The following KDM2A variants were observed in gnomAD, a reference collection of about 807,000 sequenced individuals.
KDM2A encodes lysine demethylase 2A.
KDM2A carries 3 observed loss-of-function variants against 137.3 expected under a neutral mutation model. The observed-to-expected ratio is 0.02, with a 90% CI of 0.01 to 0.06. KDM2A has a LOEUF of 0.06. Ranked by LOEUF, KDM2A falls within the 10% of genes least tolerant of loss-of-function variation. The probability of loss-of-function intolerance (pLI) is 1.00; values close to 1 mark genes in which losing one functional copy is unlikely to be tolerated. For missense variants in KDM2A, 738 were observed against 1,510.6 expected (o/e 0.49, Z 8.48); for synonymous variants, 512 against 541.5 (o/e 0.95, Z 0.76).
At chr11:67,232,518 G>A (rs1011723533) in intron 12 of KDM2A, among the ~76,000 whole-genome samples, 1 of 151,878 alleles carries the variant, frequency 6.6e-6, no homozygotes, top group Non-Finnish European at 1.5e-5. Context: ...TAAGTTCTAG[G>A]GTACATGTGC....
rs1008492639 is a variant in KDM2A, at chr11:67,226,798, C to T, written c.958-1239C>T. ...TATGTAAAATTAAATGAGCACTGGC[C>T]GCGAGCTGCTCTTTTATTTTCTAAA... On this transcript the variant is annotated intron_variant, in intron 10 of 20. Coordinates refer to ENST00000529006, the MANE Select transcript of KDM2A (RefSeq NM_012308.3). Among the ~76,000 whole-genome samples the T allele has an allele frequency of 4.6e-5, 7 of 152,050 alleles. No individual in the cohort carries two copies. The South Asian group carries it at 1.0e-3, about 23-fold the overall frequency.
intron 5 of KDM2A, among the ~76,000 whole-genome samples, chr11:67,188,050 TTTTAA>T (rs1857251383): frequency 1.3e-5 from 2 of 151,878 alleles, no homozygotes; most frequent in East Asian, 3.9e-4. Context: ...ATAATAGTAA[TTTTAA>T]AAGTTGGCTG....
rs535407443 is a variant in KDM2A at position 67,200,820 on chromosome 11, G to A, written c.308-6690G>A. Among the ~76,000 whole-genome samples, 18 of 152,188 alleles carry A rather than the reference G, an allele frequency of 1.2e-4. No individual in the cohort carries two copies. The South Asian group carries it at 3.7e-3, about 32-fold the overall frequency. The stretch of plus-strand genomic sequence containing the variant: ...CCATGCCTTGCCTGAGATTAATACC[G>A]TTTTCATGCCAGATAGCAGTATTCA... On this transcript the variant is annotated intron_variant, in intron 5 of 20. Coordinates refer to ENST00000529006, the MANE Select transcript of KDM2A (RefSeq NM_012308.3).
intron 2 of KDM2A, among the ~76,000 whole-genome samples, chr11:67,148,521 C>T (rs1000647034): frequency 6.6e-6 from 1 of 152,092 alleles, no homozygotes; most frequent in Non-Finnish European, 1.5e-5. Flanking sequence ...AGTAATCCGG[C>T]CGGGCGTGGT....
chr11:67,152,831 A>AT lies in KDM2A; in HGVS notation c.43-27238dup, dbSNP rs568381255. Among the ~76,000 whole-genome samples, 763 of 148,576 alleles carry AT rather than the reference A, an allele frequency of 5.1e-3. 4 individuals are homozygous for AT. The highest frequency in any genetic ancestry group is 8.3e-3 in the Non-Finnish European group (553 of 66,936). The stretch of plus-strand genomic sequence containing the variant: ...AGTTATTTAACTTTTGTAGAATCAG[A>AT]TTTTTTTTTTGCTAGCAAAACAAAA... On this transcript the variant is annotated intron_variant, in intron 2 of 20. Transcript: ENST00000529006.
intron 2 of KDM2A, among the ~76,000 whole-genome samples, chr11:67,169,789 A>C (rs1274810134): frequency 6.3e-5 from 5 of 78,804 alleles, no homozygotes; most frequent in Admixed American, 2.0e-4. Context: ...ACGGAGTCTC[A>C]CTCTGTCACT....
chr11:67,199,961 C>A (rs564957931), intron 5 of KDM2A, among the ~76,000 whole-genome samples: 50 of 152,000 alleles, frequency 3.3e-4, no homozygotes, highest in African/African-American at 1.2e-3. Context: ...TTTAACATTC[C>A]AAAAAAAGCT....
At chr11:67,132,812 C>T (rs1176473836) in intron 2 of KDM2A, among the ~76,000 whole-genome samples, 21 of 152,104 alleles carry the variant, frequency 1.4e-4, no homozygotes, top group Admixed American at 1.4e-3. Context: ...TTCTTGGGCC[C>T]CACCCCAAAC....
In KDM2A at chr11:67,254,367, A is replaced by G. The variant is rs1368635269; in HGVS notation, c.3256A>G (p.Thr1086Ala). ...TACAGATCAGTCCTCCAATCTACTC[A>G]CTGCTGTCGGGTCTTCCACTCGCTA... ...HLTDQSSNLL[T>A]AVGSSTRYSL... The change falls in exon 20 of 21, where the codon ACT (threonine) becomes GCT (alanine). Residue 1086 changes from threonine to alanine, a missense_variant. Thr to Ala is a moderately conservative substitution (Grantham distance 58). Coordinates refer to ENST00000529006, the MANE Select transcript of KDM2A (RefSeq NM_012308.3). The surrounding 1 kb of genome is among the most constrained non-coding windows in gnomAD (Gnocchi z 4.7). 1 of 1,613,920 alleles carries G rather than the reference A, an allele frequency of 6.2e-7. No homozygotes were observed. The highest frequency in any genetic ancestry group is 1.7e-5 in the Admixed American group (1 of 60,016).
intron 2 of KDM2A, among the ~76,000 whole-genome samples, chr11:67,178,570 A>C (rs541755471): frequency 6.6e-6 from 1 of 152,326 alleles, no homozygotes; most frequent in African/African-American, 2.4e-5. Flanking sequence ...GCCCCTGGCA[A>C]CTATGAATCT....
chr11:67,244,827 T>A (rs1035320767), intron 13 of KDM2A, among the ~76,000 whole-genome samples: 2 of 151,456 alleles, frequency 1.3e-5, no homozygotes, highest in Admixed American at 1.3e-4. Context: ...CTACAAAAAA[T>A]ACAAAAAAAT....
intron 2 of KDM2A, among the ~76,000 whole-genome samples, chr11:67,131,170 C>A (rs971152075): frequency 6.6e-6 from 1 of 151,710 alleles, no homozygotes; most frequent in Non-Finnish European, 1.5e-5. Flanking sequence ...ACTAAAAATA[C>A]AAAATTAGCT....
intron 2 of KDM2A, among the ~76,000 whole-genome samples, chr11:67,142,713 A>C (rs1384647724): frequency 1.3e-5 from 2 of 151,964 alleles, no homozygotes; most frequent in East Asian, 3.9e-4. Flanking sequence ...TCAAAAAAAA[A>C]AGTTAGAAAT....
At chr11:67,231,129 T>G (rs1295144350) in intron 11 of KDM2A, among the ~76,000 whole-genome samples, 1 of 152,096 alleles carries the variant, frequency 6.6e-6, no homozygotes, top group East Asian at 1.9e-4. Context: ...GCTAATTTTT[T>G]TAATGTAGAG....
intron 17 of KDM2A, among the ~76,000 whole-genome samples, chr11:67,251,801 C>T (rs1420365084): frequency 6.6e-6 from 1 of 152,196 alleles, no homozygotes; most frequent in Admixed American, 6.5e-5. Context: ...TAAATAGACC[C>T]TATTCTTTGC....
Position 67,186,357 on chromosome 11 carries a change from T to C in KDM2A, c.307+4465T>C, listed in dbSNP as rs568318023. Among the ~76,000 whole-genome samples, 3 of 152,256 alleles carry C rather than the reference T, an allele frequency of 2.0e-5. No homozygotes were observed. The East Asian group carries it at 5.8e-4, about 29-fold the overall frequency. On this transcript the variant is annotated intron_variant, in intron 5 of 20. Transcript: ENST00000529006. ...AGGCAGTGAGCCAGTGTATTCAAAGTGCTAAAAGGAAAACAAAACAAAACT... is the reference window on the plus strand; with the variant it reads ...AGGCAGTGAGCCAGTGTATTCAAAGCGCTAAAAGGAAAACAAAACAAAACT...
intron 4 of KDM2A, 83 bp downstream of exon 4, chr11:67,181,481 C>T (rs1227567045): frequency 8.5e-6 from 7 of 825,032 alleles, no homozygotes; most frequent in African/African-American, 1.7e-5. Context: ...GTATTGATAA[C>T]CCAAAACAAT....
chr11:67,219,284 C>T lies in KDM2A; in HGVS notation c.842-4C>T. The T allele has an allele frequency of 6.5e-7, 1 of 1,537,484 alleles. No homozygotes were observed. Among genetic ancestry groups the T allele is most frequent in the Non-Finnish European group, 8.8e-7 (1 of 1,134,504 alleles). On this transcript the variant is annotated splice_polypyrimidine_tract_variant and splice_region_variant and intron_variant, in intron 9 of 20. Coordinates refer to ENST00000529006, the MANE Select transcript of KDM2A (RefSeq NM_012308.3). ...GCCACTGCCCTCTGTTCCCCTTCTCCTAGGCTGGATTCATGCTGTGTATAC... is the reference window on the plus strand; with the variant it reads ...GCCACTGCCCTCTGTTCCCCTTCTCTTAGGCTGGATTCATGCTGTGTATAC...
Position 67,245,487 on chromosome 11 carries a change from G to A in KDM2A, c.1833+29G>A. On this transcript the variant is annotated intron_variant, in intron 14 of 20. Transcript: ENST00000529006. This position sits in a 1 kb window ranked among gnomAD's most constrained non-coding sequence, Gnocchi z 4.1. ...AGTGATCTGCTGGGTAAAGAATTTT[G>A]GGGAGGGGTGGCAGTGCCAAAGGAA... The A allele has an allele frequency of 6.2e-7, 1 of 1,608,766 alleles. No homozygotes were observed. Among genetic ancestry groups the A allele is most frequent in the Non-Finnish European group, 8.5e-7 (1 of 1,176,836 alleles).
Sources: gnomAD v4.1 joint callset for allele counts (sites outside exome capture counted in the v4.1 genomes callset) on GRCh38, gnomAD v4.1.1 for gene constraint, Gnocchi (gnomAD v3.1) non-coding constraint, MANE v1.5 for transcripts, NCBI Gene and HGNC (gene_info 2026-07-23, HGNC 2026-07-21) for gene names.